The following SOCS2 variants were observed in gnomAD, a reference collection of about 807,000 sequenced individuals.
The protein encoded by SOCS2 is suppressor of cytokine signaling 2, also known as CIS-2.
SOCS2 carries 10 observed loss-of-function variants against 18.6 expected under a neutral mutation model. The ratio of observed to expected loss-of-function variants is 0.54; its 90% CI spans 0.33 to 0.91. The LOEUF is 0.91. Among genes scored for constraint, SOCS2 ranks in the 40% least tolerant of loss-of-function variants. The pLI is 0.02. For synonymous variants in SOCS2, 104 were observed against 104.0 expected, an observed-to-expected ratio of 1.00 and a Z score of 0.00; for missense variants, 231 against 247.2, an observed-to-expected ratio of 0.93 and a Z score of 0.44.
chr12:93,572,637 G>C, upstream of SOCS2: 11 of 585,522 alleles, frequency 1.9e-5, no homozygotes, highest in Middle Eastern at 2.8e-4. This position sits in a 1 kb window ranked among gnomAD's most constrained non-coding sequence, Gnocchi z 5.0. Context: ...CACCCCAGCC[G>C]CAGGGGTCCA....
downstream of SOCS2, among the ~76,000 whole-genome samples, chr12:93,577,485 T>C (rs543531470): frequency 1.3e-5 from 2 of 151,326 alleles, no homozygotes; most frequent in Admixed American, 6.6e-5. Flanking sequence ...TCCTGATTTG[T>C]GAGTCAAGAG....
At chr12:93,613,456 T>A in the SOCS2 span, among the ~76,000 whole-genome samples, 2 of 152,110 alleles carry the variant, frequency 1.3e-5, no homozygotes, top group Non-Finnish European at 2.9e-5. Flanking sequence ...AAAAACAGAT[T>A]CAAGCTAGAA....
the SOCS2 span, among the ~76,000 whole-genome samples, chr12:93,614,854 T>A: frequency 6.6e-6 from 1 of 150,670 alleles, no homozygotes; most frequent in Admixed American, 6.7e-5. Flanking sequence ...CCTCAGGTGA[T>A]CCATCCGCCT....
the SOCS2 span, among the ~76,000 whole-genome samples, chr12:93,615,107 C>T: frequency 6.6e-6 from 1 of 152,138 alleles, no homozygotes. Flanking sequence ...ACCCTCTCCC[C>T]CACTGGGATA....
chr12:93,580,618 C>CAAAAAAAAAAA (rs35305411), downstream of SOCS2, among the ~76,000 whole-genome samples: 4 of 73,148 alleles, frequency 5.5e-5, no homozygotes, highest in African/African-American at 1.5e-4. Context: ...GAGACTGTCT[C>CAAAAAAAAAAA]AAAAAAAAAA....
At chr12:93,588,206 CA>C (rs1166695073), downstream of SOCS2, among the ~76,000 whole-genome samples, 88 of 152,152 alleles carry the variant, frequency 5.8e-4, no homozygotes, top group African/African-American at 1.9e-3. Flanking sequence ...GTGAGTTTAT[CA>C]CCAGTAGAAA....
chr12:93,574,100 A>G (rs1028293122), intron 1 of SOCS2: 1 of 152,230 alleles, frequency 6.6e-6, no homozygotes, highest in African/African-American at 2.4e-5. Context: ...TAAGGTAGTC[A>G]TAAAGCAGCG....
chr12:93,600,013 G>A, the SOCS2 span, among the ~76,000 whole-genome samples: 1 of 152,006 alleles, frequency 6.6e-6, no homozygotes, highest in Non-Finnish European at 1.5e-5. Flanking sequence ...TTAAAGTAAT[G>A]CTTTACATTT....
chr12:93,625,197 T>C, the SOCS2 span, among the ~76,000 whole-genome samples: 1 of 152,210 alleles, frequency 6.6e-6, no homozygotes, highest in Admixed American at 6.5e-5. Context: ...TCTCAGTGAC[T>C]CATCTATCCT....
At chr12:93,574,609 T>C in intron 1 of SOCS2, 113 bp from the exon 2 acceptor site, 1 of 688,090 alleles carries the variant, frequency 1.5e-6, no homozygotes, top group South Asian at 3.2e-5. Context: ...CACCTTTTTT[T>C]TTTTTCTTTT....
chr12:93,609,239 A>G, the SOCS2 span, among the ~76,000 whole-genome samples: 1 of 152,104 alleles, frequency 6.6e-6, no homozygotes, highest in Non-Finnish European at 1.5e-5. Context: ...TAAAAATTCA[A>G]ACATTATTTG....
intron 1 of SOCS2, among the ~76,000 whole-genome samples, chr12:93,582,851 A>C (rs772556611): frequency 6.6e-6 from 1 of 152,042 alleles, no homozygotes; most frequent in Non-Finnish European, 1.5e-5. Flanking sequence ...GTGATAGTAC[A>C]TTGGGGTGAG....
the SOCS2 span, among the ~76,000 whole-genome samples, chr12:93,625,808 TG>T: frequency 6.6e-6 from 1 of 152,100 alleles, no homozygotes; most frequent in East Asian, 1.9e-4. Flanking sequence ...ATTACTATTT[TG>T]TAAAAGGGAA....
At chr12:93,614,531 CCTTCCTTCCTT>C in the SOCS2 span, among the ~76,000 whole-genome samples, 2 of 88,330 alleles carry the variant, frequency 2.3e-5, no homozygotes, top group Non-Finnish European at 2.0e-5. Flanking sequence ...TTCCTTCCTT[CCTTCCTTCCTT>C]CTTTCTTTCT....
At chr12:93,618,912 A>G in the SOCS2 span, among the ~76,000 whole-genome samples, 1 of 152,182 alleles carries the variant, frequency 6.6e-6, no homozygotes, top group East Asian at 1.9e-4. Flanking sequence ...CTCCTGGGCT[A>G]AAGTGATCCT....
chr12:93,605,246 G>C, the SOCS2 span, among the ~76,000 whole-genome samples: 1 of 152,010 alleles, frequency 6.6e-6, no homozygotes, highest in Non-Finnish European at 1.5e-5. Flanking sequence ...TCTCTTAAAC[G>C]AGCAAGTTGC....
At chr12:93,618,064 G>A in the SOCS2 span, among the ~76,000 whole-genome samples, 1 of 152,142 alleles carries the variant, frequency 6.6e-6, no homozygotes, top group African/African-American at 2.4e-5. Flanking sequence ...CTGATGTTGT[G>A]ATAGAGTTCT....
chr12:93,614,448 TTC>T, the SOCS2 span, among the ~76,000 whole-genome samples: 7 of 76,826 alleles, frequency 9.1e-5, no homozygotes, highest in African/African-American at 3.2e-4. Flanking sequence ...CCTTCCTTCC[TTC>T]CTTCCTTCCT....
At chr12:93,573,172 C>A in intron 1 of SOCS2, 136 bp downstream of exon 1, 1 of 1,168,144 alleles carries the variant, frequency 8.6e-7, no homozygotes, top group Non-Finnish European at 1.2e-6. Context: ...GCGGAGAGCA[C>A]GCTCGCAGGG....
Sources: gnomAD v4.1 joint callset for allele counts (sites outside exome capture counted in the v4.1 genomes callset) on GRCh38, gnomAD v4.1.1 for gene constraint, Gnocchi (gnomAD v3.1) non-coding constraint, MANE v1.5 for transcripts, NCBI Gene and HGNC (gene_info 2026-07-23, HGNC 2026-07-21) for gene names.